Variants in KLHL1 observed in about 807,000 individuals in gnomAD.
The protein encoded by KLHL1 is kelch like family member 1, also known as kelch-like protein 1.
In KLHL1, 47 loss-of-function variants were observed where a neutral mutation model predicts 77.7. The observed-to-expected ratio is 0.60, with a 90% CI of 0.48 to 0.77. The LOEUF (loss-of-function observed/expected upper bound fraction) is 0.77, where lower values mean the gene tolerates loss of function less well. Ranked by LOEUF, KLHL1 falls within the 30% of genes least tolerant of loss-of-function variation. KLHL1 has a pLI of 0.00. For missense variants in KLHL1, 925 were observed against 910.8 expected (o/e 1.02, Z -0.20); for synonymous variants, 360 against 325.2 (o/e 1.11, Z -1.15).
At chr13:69,777,806 T>G (rs535927226) in intron 7 of KLHL1, among the ~76,000 whole-genome samples, 8 of 152,238 alleles carry the variant, frequency 5.3e-5, no homozygotes, top group Admixed American at 2.6e-4. Flanking sequence ...AATTGTCCAT[T>G]AACTAATCTG....
At chr13:69,968,450 C>T (rs1361837296) in intron 2 of KLHL1, among the ~76,000 whole-genome samples, 1 of 149,626 alleles carries the variant, frequency 6.7e-6, no homozygotes, top group African/African-American at 2.5e-5. Flanking sequence ...AGAATCCAAC[C>T]TGCAATATCT....
intron 6 of KLHL1, among the ~76,000 whole-genome samples, chr13:69,800,439 T>A (rs1354167120): frequency 6.6e-6 from 1 of 152,188 alleles, no homozygotes; most frequent in Non-Finnish European, 1.5e-5. Flanking sequence ...TCAATCTTGC[T>A]CAGTTATATA....
intron 6 of KLHL1, among the ~76,000 whole-genome samples, chr13:69,820,518 T>C (rs369388836): frequency 6.6e-6 from 1 of 152,094 alleles, no homozygotes; most frequent in Non-Finnish European, 1.5e-5. Flanking sequence ...ATAAAAAGGA[T>C]AATTGAAAAA....
At chr13:69,824,168 A>C (rs376413496) in intron 6 of KLHL1, among the ~76,000 whole-genome samples, 1 of 152,074 alleles carries the variant, frequency 6.6e-6, no homozygotes, top group East Asian at 1.9e-4. Flanking sequence ...TTAAATAAAA[A>C]TACATCCTAT....
At chr13:69,906,491 T>G (rs558673026) in intron 4 of KLHL1, among the ~76,000 whole-genome samples, 17 of 152,128 alleles carry the variant, frequency 1.1e-4, no homozygotes, top group African/African-American at 4.1e-4. Flanking sequence ...ATTGTTATTC[T>G]TTAGTGTTGA....
chr13:70,040,973 A>C (rs1593696826), intron 1 of KLHL1, among the ~76,000 whole-genome samples: 2 of 151,948 alleles, frequency 1.3e-5, no homozygotes, highest in South Asian at 2.1e-4. Flanking sequence ...ACTTCTACTG[A>C]TTTATTTTCA....
At chr13:70,086,611 AAAGAAAGAAAG>A (rs1887548974) in intron 1 of KLHL1, among the ~76,000 whole-genome samples, 1 of 100,244 alleles carries the variant, frequency 1.0e-5, no homozygotes, top group African/African-American at 3.5e-5. Context: ...AGAAAGAAAG[AAAGAAAGAAAG>A]AAAGAAAGAA....
chr13:69,999,015 A>C (rs1235391221), intron 1 of KLHL1, among the ~76,000 whole-genome samples: 1 of 151,996 alleles, frequency 6.6e-6, no homozygotes, highest in East Asian at 1.9e-4. Context: ...ACTTCTTTTC[A>C]ACATAGGCTT....
chr13:69,901,467 G>A (rs961424374), intron 4 of KLHL1, among the ~76,000 whole-genome samples: 4 of 152,154 alleles, frequency 2.6e-5, no homozygotes, highest in Non-Finnish European at 5.9e-5. Flanking sequence ...TGAAAGAAGT[G>A]TCTATGATAT....
chr13:69,774,137 A>G (rs543238984), intron 7 of KLHL1, among the ~76,000 whole-genome samples: 1 of 152,006 alleles, frequency 6.6e-6, no homozygotes, highest in African/African-American at 2.4e-5. Flanking sequence ...TACTCTTTTT[A>G]AACATATTTA....
intron 6 of KLHL1, among the ~76,000 whole-genome samples, chr13:69,815,336 A>G (rs1878075216): frequency 6.6e-6 from 1 of 152,232 alleles, no homozygotes; most frequent in Admixed American, 6.5e-5. Context: ...GAATAAAGAA[A>G]ATGTGGTACA....
chr13:69,985,261 TCAAA>T (rs1210535149), intron 1 of KLHL1, among the ~76,000 whole-genome samples: 1 of 151,590 alleles, frequency 6.6e-6, no homozygotes, highest in African/African-American at 2.4e-5. Flanking sequence ...TATAAGAAAC[TCAAA>T]CAAGTCAATA....
At chr13:69,842,263 C>T (rs1879293748) in intron 5 of KLHL1, among the ~76,000 whole-genome samples, 1 of 151,602 alleles carries the variant, frequency 6.6e-6, no homozygotes, top group South Asian at 2.1e-4. Context: ...AGAAAATCTG[C>T]TTAATGGGAG....
At position 69,837,689 on chromosome 13, in the gene KLHL1, C is replaced by CATATATACATATATACATATATACACAT. The variant is rs1566309243; in HGVS notation, c.1414+1286_1414+1287insATGTGTATATATGTATATATGTATATAT. Among the ~76,000 whole-genome samples, 412 of 118,416 alleles carry CATATATACATATATACATATATACACAT rather than the reference C, an allele frequency of 3.5e-3. 17 individuals are homozygous for CATATATACATATATACATATATACACAT. Among genetic ancestry groups the CATATATACATATATACATATATACACAT allele is most frequent in the African/African-American group, 0.015 (387 of 25,646 alleles). 77.7% of individuals were successfully genotyped at this position (118,416 alleles called of 152,430 possible). On this transcript the variant is annotated intron_variant, in intron 6 of 10. Coordinates refer to ENST00000377844, the MANE Select transcript of KLHL1 (RefSeq NM_020866.3). ...GTGTGTGTATATATATATATATATA[C>CATATATACATATATACATATATACACAT]ACATATATATATAGATCTCATATTT...
chr13:69,831,787 T>G (rs116324760), intron 6 of KLHL1, among the ~76,000 whole-genome samples: 6,590 of 149,974 alleles, frequency 0.044, 950 homozygotes, highest in African/African-American at 0.15. Flanking sequence ...TGCATGGATG[T>G]TTTCAAATAT....
intron 3 of KLHL1, among the ~76,000 whole-genome samples, chr13:69,948,797 T>C (rs1457043288): frequency 6.6e-6 from 1 of 151,956 alleles, no homozygotes; most frequent in Non-Finnish European, 1.5e-5. Flanking sequence ...CTACAAAGTC[T>C]GTTATATTGA....
At chr13:70,057,839 A>G (rs1886787114) in intron 1 of KLHL1, among the ~76,000 whole-genome samples, 1 of 151,658 alleles carries the variant, frequency 6.6e-6, no homozygotes, top group Non-Finnish European at 1.5e-5. Flanking sequence ...GAAAAGGCCA[A>G]TATCTCTGAT....
chr13:70,029,196 T>C (rs1391479918), intron 1 of KLHL1, among the ~76,000 whole-genome samples: 2 of 152,130 alleles, frequency 1.3e-5, no homozygotes, highest in African/African-American at 4.8e-5. Flanking sequence ...TGTGAGATCT[T>C]GAACTTGCGG....
chr13:69,936,370 C>T lies in KLHL1; in HGVS notation c.1014+3670G>A, dbSNP rs150982100. Among the ~76,000 whole-genome samples, 566 of 152,078 alleles carry T rather than the reference C, an allele frequency of 3.7e-3. 5 individuals are homozygous for T. Among genetic ancestry groups the T allele is most frequent in the African/African-American group, 0.013 (536 of 41,502 alleles). On this transcript the variant is annotated intron_variant, in intron 4 of 10. Coordinates refer to ENST00000377844, the MANE Select transcript of KLHL1 (RefSeq NM_020866.3). ...TTGGGAGGCCAAGGCAGGTGGATGA[C>T]CTAAGGTCAGGAGTTTGAGATCAGT...
Sources: allele counts gnomAD v4.1 joint callset (sites outside exome capture counted in the v4.1 genomes callset), GRCh38; gene constraint gnomAD v4.1.1; transcripts MANE v1.5; gene names NCBI Gene and HGNC (gene_info 2026-07-23, HGNC 2026-07-21).